The following RGS7 variants were observed in gnomAD, a reference collection of about 807,000 sequenced individuals.
The protein encoded by RGS7 is regulator of G protein signaling 7.
In RGS7, 27 loss-of-function variants were observed where a neutral mutation model predicts 81.1. The ratio of observed to expected loss-of-function variants is 0.33; its 90% CI spans 0.25 to 0.46. RGS7 has a LOEUF of 0.46. Ranked by LOEUF, RGS7 falls within the 20% of genes least tolerant of loss-of-function variation. The pLI, the probability that RGS7 is intolerant of heterozygous loss-of-function variation, is 1.00. For missense variants in RGS7, 396 were observed against 607.4 expected (o/e 0.65, Z 3.66); for synonymous variants, 208 against 207.7 (o/e 1.00, Z -0.01).
At chr1:241,331,004 T>G (rs2081947716) in intron 2 of RGS7, among the ~76,000 whole-genome samples, 1 of 152,230 alleles carries the variant, frequency 6.6e-6, no homozygotes, top group East Asian at 1.9e-4. Flanking sequence ...CTATTTAGCT[T>G]GACTTTTCCA....
At chr1:241,044,725 A>C (rs970954877) in intron 3 of RGS7, among the ~76,000 whole-genome samples, 1 of 152,016 alleles carries the variant, frequency 6.6e-6, no homozygotes, top group Middle Eastern at 3.2e-3. Flanking sequence ...AAGCCACCAC[A>C]CCTGACTTGT....
chr1:241,071,874 C>CAAAAAAAAAAAAAAAAAAAAAAAAAA (rs58217460), intron 3 of RGS7, among the ~76,000 whole-genome samples: 8 of 56,854 alleles, frequency 1.4e-4, no homozygotes, highest in Non-Finnish European at 1.7e-4. Context: ...GAGACCCTGT[C>CAAAAAAAAAAAAAAAAAAAAAAAAAA]AAAAAAAAAA....
At chr1:240,789,798 G>A (rs935948368) in intron 18 of RGS7, among the ~76,000 whole-genome samples, 1 of 152,148 alleles carries the variant, frequency 6.6e-6, no homozygotes, top group African/African-American at 2.4e-5. Flanking sequence ...CTGTGGTCCT[G>A]TGATCTCGCC....
At chr1:240,870,608 A>G (rs910375758) in intron 6 of RGS7, among the ~76,000 whole-genome samples, 1 of 152,182 alleles carries the variant, frequency 6.6e-6, no homozygotes, top group African/African-American at 2.4e-5. Context: ...TCGGCCTCTC[A>G]AAGTGCTGAG....
chr1:240,953,547 T>C (rs1049258105), intron 4 of RGS7, among the ~76,000 whole-genome samples: 9 of 151,968 alleles, frequency 5.9e-5, no homozygotes, highest in Non-Finnish European at 8.8e-5. Flanking sequence ...ACTAAATTAA[T>C]ATGTAAATGC....
intron 6 of RGS7, among the ~76,000 whole-genome samples, chr1:240,903,632 A>G (rs1449835555): frequency 6.6e-6 from 1 of 152,180 alleles, no homozygotes; most frequent in Admixed American, 6.5e-5. Context: ...GGCTTTTGCT[A>G]TGGTTTGGAT....
chr1:241,011,495 G>T (rs1300363519), intron 3 of RGS7, among the ~76,000 whole-genome samples: 1 of 152,144 alleles, frequency 6.6e-6, no homozygotes, highest in Non-Finnish European at 1.5e-5. Flanking sequence ...GTCTGCTGGG[G>T]GCTCTCCACA....
At chr1:241,289,026 T>A (rs1558277657) in intron 2 of RGS7, among the ~76,000 whole-genome samples, 1 of 152,226 alleles carries the variant, frequency 6.6e-6, no homozygotes, top group Non-Finnish European at 1.5e-5. Flanking sequence ...ATGCCCAGGC[T>A]TTTGTTACCA....
intron 3 of RGS7, among the ~76,000 whole-genome samples, chr1:240,994,188 C>A (rs1382365408): frequency 2.0e-5 from 3 of 152,110 alleles, no homozygotes; most frequent in African/African-American, 7.2e-5. Context: ...ACCTATAAAT[C>A]TTAGAATTAT....
chr1:241,350,779 T>G (rs942022624), intron 2 of RGS7, among the ~76,000 whole-genome samples: 2 of 147,714 alleles, frequency 1.4e-5, no homozygotes, highest in African/African-American at 5.0e-5. Flanking sequence ...CCAAAGATTA[T>G]TTTTCACGAC....
chr1:241,001,151 T>C (rs1345027920), intron 3 of RGS7, among the ~76,000 whole-genome samples: 1 of 152,212 alleles, frequency 6.6e-6, no homozygotes, highest in Non-Finnish European at 1.5e-5. Flanking sequence ...TGTGTTTTCA[T>C]AGGCTAATTT....
intron 3 of RGS7, among the ~76,000 whole-genome samples, chr1:241,013,150 C>A (rs966557356): frequency 1.3e-5 from 2 of 148,708 alleles, no homozygotes; most frequent in African/African-American, 5.0e-5. Context: ...GCAACCTCCA[C>A]CTCCCGGGTT....
intron 2 of RGS7, among the ~76,000 whole-genome samples, chr1:241,273,478 G>C (rs893368997): frequency 4.6e-5 from 7 of 151,796 alleles, no homozygotes; most frequent in African/African-American, 1.7e-4. Context: ...TCAGGGAATT[G>C]TTTTTTGTTC....
intron 2 of RGS7, among the ~76,000 whole-genome samples, chr1:241,309,574 T>C (rs997658022): frequency 2.6e-5 from 4 of 152,150 alleles, no homozygotes; most frequent in African/African-American, 9.7e-5. Context: ...GCATCTGACA[T>C]TTGCCACTCG....
intron 2 of RGS7, among the ~76,000 whole-genome samples, chr1:241,120,045 T>C (rs2066143338): frequency 6.6e-6 from 1 of 152,244 alleles, no homozygotes; most frequent in African/African-American, 2.4e-5. Flanking sequence ...TTCTCTCTTA[T>C]TGAAAATACA....
chr1:241,336,002 GCTT>G (rs898799726), intron 2 of RGS7, among the ~76,000 whole-genome samples: 79 of 151,926 alleles, frequency 5.2e-4, no homozygotes, highest in South Asian at 1.0e-3. Flanking sequence ...GATTATGATT[GCTT>G]CTTCTTCTTC....
At chr1:241,171,209 A>C (rs1383832935) in intron 2 of RGS7, among the ~76,000 whole-genome samples, 1 of 152,252 alleles carries the variant, frequency 6.6e-6, no homozygotes, top group Non-Finnish European at 1.5e-5. Context: ...TGACCGTTTC[A>C]AAATTTCATT....
intron 2 of RGS7, among the ~76,000 whole-genome samples, chr1:241,212,578 C>T (rs1324747288): frequency 6.6e-6 from 1 of 152,156 alleles, no homozygotes; most frequent in Non-Finnish European, 1.5e-5. Context: ...TCCTAGCTGT[C>T]TGCACAGGAG....
At chr1:241,109,580 C>T (rs1187203708) in intron 2 of RGS7, among the ~76,000 whole-genome samples, 2 of 152,086 alleles carry the variant, frequency 1.3e-5, no homozygotes, top group Non-Finnish European at 2.9e-5. Context: ...CCATTTTTTA[C>T]TTTACATACT....
Sources: gnomAD v4.1 joint callset for allele counts (sites outside exome capture counted in the v4.1 genomes callset) on GRCh38, gnomAD v4.1.1 for gene constraint, MANE v1.5 for transcripts, NCBI Gene and HGNC (gene_info 2026-07-23, HGNC 2026-07-21) for gene names.